Variants in KCNJ6 observed in about 807,000 individuals in gnomAD.
KCNJ6 encodes the protein G protein-activated inward rectifier potassium channel 2.
KCNJ6 carries 9 observed loss-of-function variants against 34.2 expected under a neutral mutation model. The observed-to-expected ratio is 0.26, with a 90% CI of 0.16 to 0.46. KCNJ6 has a LOEUF of 0.46. Among genes scored for constraint, KCNJ6 ranks in the 20% least tolerant of loss-of-function variants. The probability of loss-of-function intolerance (pLI) is 1.00; values close to 1 mark genes in which losing one functional copy is unlikely to be tolerated. For synonymous variants in KCNJ6, 196 were observed against 207.1 expected (o/e 0.95, Z 0.46); for missense variants, 236 against 531.3 (o/e 0.44, Z 5.46).
At chr21:37,721,940 TAGCCAGAGC>T (rs1409557851) in intron 2 of KCNJ6, among the ~76,000 whole-genome samples, 2 of 152,236 alleles carry the variant, frequency 1.3e-5, no homozygotes, top group Non-Finnish European at 2.9e-5. Flanking sequence ...CAGGAAGTCC[TAGCCAGAGC>T]AATCAGGCAA....
At chr21:37,633,269 CA>C in intron 3 of KCNJ6, among the ~76,000 whole-genome samples, 1 of 152,118 alleles carries the variant, frequency 6.6e-6, no homozygotes, top group African/African-American at 2.4e-5. Context: ...TGATAAAATT[CA>C]AAAACCACTT....
chr21:37,810,867 A>G (rs963585559), intron 2 of KCNJ6, among the ~76,000 whole-genome samples: 1 of 152,108 alleles, frequency 6.6e-6, no homozygotes, highest in Non-Finnish European at 1.5e-5. Flanking sequence ...CTTTTGTTCT[A>G]ATATTTGGTC....
intron 3 of KCNJ6, among the ~76,000 whole-genome samples, chr21:37,696,066 TAAGG>T (rs954632234): frequency 4.6e-5 from 7 of 152,110 alleles, no homozygotes; most frequent in African/African-American, 1.7e-4. Flanking sequence ...AATAGATAAC[TAAGG>T]GAGGGGAAAA....
intron 3 of KCNJ6, among the ~76,000 whole-genome samples, chr21:37,679,724 C>T (rs2054582432): frequency 6.6e-6 from 1 of 152,128 alleles, no homozygotes; most frequent in Admixed American, 6.5e-5. Flanking sequence ...CTGACCTTCA[C>T]CGAGGGGGCC....
chr21:37,829,232 C>T (rs1174858881), intron 2 of KCNJ6, among the ~76,000 whole-genome samples: 3 of 67,844 alleles, frequency 4.4e-5, no homozygotes, highest in African/African-American at 1.2e-4. Flanking sequence ...GGGAGGAGGG[C>T]GGGAGGGACA....
chr21:37,690,426 G>A (rs1202161241), intron 3 of KCNJ6, among the ~76,000 whole-genome samples: 1 of 152,210 alleles, frequency 6.6e-6, no homozygotes, highest in Non-Finnish European at 1.5e-5. Context: ...ATGATGGGGT[G>A]CTCTGTGGGG....
rs1384849779 is a variant in KCNJ6, at chr21:37,614,909, A to G, written c.*10250T>C. 6.6e-6 allele frequency: 1 copy of G among 152,214 alleles called. No individual in the cohort carries two copies. Among genetic ancestry groups the G allele is most frequent in the Non-Finnish European group, 1.5e-5 (1 of 68,052 alleles). The allele number at this position is 152,214 out of a possible 1,614,324, so 9.4% of individuals were successfully genotyped here. A position where few individuals can be genotyped will look rare whatever the true frequency, so the allele number is the denominator to read the frequency against. ...GGACATTATTGTTGCATAGTGTAAC[A>G]TTCAGAGGAATCCTCATTCTTTTAG... On this transcript the variant is annotated 3_prime_UTR_variant, in exon 4 of 4. Transcript: ENST00000609713.
chr21:37,626,887 A>T (rs2054313703), intron 3 of KCNJ6, among the ~76,000 whole-genome samples: 2 of 152,184 alleles, frequency 1.3e-5, no homozygotes, highest in South Asian at 2.1e-4. Flanking sequence ...AACTTAAAAC[A>T]TTTTTTTAAT....
At chr21:37,649,464 A>T (rs1371418884) in intron 3 of KCNJ6, among the ~76,000 whole-genome samples, 1 of 152,188 alleles carries the variant, frequency 6.6e-6, no homozygotes. Flanking sequence ...TTTAAGTCGA[A>T]AAAGCTCTCA....
chr21:37,715,036 G>A lies in KCNJ6; in HGVS notation c.121C>T (p.Pro41Ser). Reference protein sequence around the residue: ...KLPKQARDDLPRHISRDRTKR... With the variant: ...KLPKQARDDLSRHISRDRTKR... Reference sequence around the variant, plus strand: ...GTCCGATCTCGGCTGATGTGTCTTGGCAGGTCATCCCTGGCCTGCTTAGGC... The same window carrying A: ...GTCCGATCTCGGCTGATGTGTCTTGACAGGTCATCCCTGGCCTGCTTAGGC... The change falls in exon 3 of 4, where the codon CCA (proline) becomes TCA (serine). Residue 41 changes from proline (P) to serine (S), a missense_variant. By Grantham distance (74) the Pro-to-Ser change is moderately conservative (BLOSUM62 -1). Transcript: ENST00000609713. 3.1e-6 allele frequency: 5 copies of A among 1,614,150 alleles called. No individual in the cohort carries two copies. The highest frequency in any genetic ancestry group is 4.2e-6 in the Non-Finnish European group (5 of 1,180,036).
At chr21:37,786,377 A>T (rs940862750) in intron 2 of KCNJ6, among the ~76,000 whole-genome samples, 7 of 152,240 alleles carry the variant, frequency 4.6e-5, no homozygotes, top group African/African-American at 1.7e-4. Context: ...TGGGGCATCC[A>T]CTTGGGGATC....
chr21:37,769,097 A>C (rs955239872), intron 2 of KCNJ6, among the ~76,000 whole-genome samples: 1 of 152,230 alleles, frequency 6.6e-6, no homozygotes, highest in East Asian at 1.9e-4. Context: ...AGCTCTTCAG[A>C]TGCTGCGCAC....
intron 1 of KCNJ6, among the ~76,000 whole-genome samples, chr21:37,846,101 G>A (rs913612599): frequency 6.6e-6 from 1 of 152,256 alleles, no homozygotes; most frequent in African/African-American, 2.4e-5. Flanking sequence ...GGGGCAATGG[G>A]CATTTAATTT....
chr21:37,909,513 G>A (rs532364137), intron 1 of KCNJ6, among the ~76,000 whole-genome samples: 73 of 152,160 alleles, frequency 4.8e-4, no homozygotes, highest in African/African-American at 1.7e-3. Flanking sequence ...CTACAGGCAT[G>A]TGCCTCCACA....
chr21:37,853,835 C>CATATATATGTGTGTATATATATATAT (rs1399366665), intron 1 of KCNJ6, among the ~76,000 whole-genome samples: 23 of 43,236 alleles, frequency 5.3e-4, no homozygotes, highest in Non-Finnish European at 7.8e-4. Context: ...TTAAGAGATA[C>CATATATATGTGTGTATATATATATAT]ATATATATAT....
intron 3 of KCNJ6, among the ~76,000 whole-genome samples, chr21:37,638,254 C>T (rs1204834248): frequency 3.9e-5 from 6 of 152,202 alleles, no homozygotes; most frequent in African/African-American, 1.4e-4. Context: ...TCAAGTGATT[C>T]TCCTGCCTCA....
intron 2 of KCNJ6, among the ~76,000 whole-genome samples, chr21:37,775,497 G>A (rs993168937): frequency 2.9e-4 from 44 of 152,196 alleles, no homozygotes; most frequent in Non-Finnish European, 6.0e-4. Flanking sequence ...TAACATTTAA[G>A]TCTTTAATCC....
intron 2 of KCNJ6, among the ~76,000 whole-genome samples, chr21:37,724,766 T>C (rs2054845353): frequency 6.6e-6 from 1 of 152,156 alleles, no homozygotes; most frequent in Non-Finnish European, 1.5e-5. Context: ...CCTGGAGCAG[T>C]TGCAGAGGAA....
intron 3 of KCNJ6, among the ~76,000 whole-genome samples, chr21:37,709,532 A>AGAAAG (rs768558001): frequency 6.6e-6 from 1 of 151,770 alleles, no homozygotes; most frequent in Non-Finnish European, 1.5e-5. Flanking sequence ...AGAAAAGAAA[A>AGAAAG]GAAAAGAAAT....
Sources: gnomAD v4.1 joint callset for allele counts (sites outside exome capture counted in the v4.1 genomes callset) on GRCh38, gnomAD v4.1.1 for gene constraint, MANE v1.5 for transcripts, NCBI Gene and HGNC (gene_info 2026-07-23, HGNC 2026-07-21) for gene names.